SMYD3: variants seen among roughly 807,000 people sequenced by gnomAD.
SMYD3 encodes the protein histone-lysine N-methyltransferase SMYD3.
In SMYD3, 36 loss-of-function variants were observed where a neutral mutation model predicts 57.7. The ratio of observed to expected loss-of-function variants is 0.62; its 90% confidence interval spans 0.48 to 0.82. SMYD3 has a LOEUF of 0.82. Ranked by LOEUF, SMYD3 falls within the 40% of genes least tolerant of loss-of-function variation. The pLI is 0.00. For missense variants in SMYD3, 515 were observed against 538.8 expected, an observed-to-expected ratio of 0.96 and a Z score of 0.44; for synonymous variants, 211 against 195.0, an observed-to-expected ratio of 1.08 and a Z score of -0.68.
chr1:246,289,685 G>A (rs2064646928), intron 5 of SMYD3, among the ~76,000 whole-genome samples: 2 of 152,132 alleles, frequency 1.3e-5, no homozygotes, highest in Admixed American at 1.3e-4. Context: ...TGCAGTGCAT[G>A]GCACTTGGTA....
In SMYD3 at chr1:245,887,188, G is replaced by A. The variant is rs185922939; in HGVS notation, c.814-23302C>T. 4.7e-3 allele frequency among the ~76,000 whole-genome samples: 713 copies of A among 152,224 alleles called. 3 individuals are homozygous for A. The highest frequency in any genetic ancestry group is 0.015 in the African/African-American group (640 of 41,528). ...TGCTGATAAAACAGGTTGCAGTAAA[G>A]GAGCTGGCCAAATCCTACCAAAACC... On this transcript the variant is annotated intron_variant, in intron 8 of 11. Transcript: ENST00000490107.
At chr1:245,860,793 G>A (rs1450686258) in intron 9 of SMYD3, among the ~76,000 whole-genome samples, 2 of 152,226 alleles carry the variant, frequency 1.3e-5, no homozygotes, top group African/African-American at 2.4e-5. Flanking sequence ...GCTAACCTCC[G>A]TGGCTTTTCA....
chr1:246,504,085 A>G (rs1410602867), intron 1 of SMYD3, among the ~76,000 whole-genome samples: 4 of 152,184 alleles, frequency 2.6e-5, no homozygotes, highest in African/African-American at 7.2e-5. Flanking sequence ...TTCCTTAATG[A>G]GAGGAAAAAG....
chr1:245,864,048 G>A (rs1360629342), intron 8 of SMYD3, among the ~76,000 whole-genome samples, 162 bp from the exon 9 acceptor site: 1 of 152,202 alleles, frequency 6.6e-6, no homozygotes, highest in Non-Finnish European at 1.5e-5. Context: ...ACAGTGAGAT[G>A]TTACTTGATA....
At chr1:245,939,061 T>C (rs10924392) in intron 5 of SMYD3, among the ~76,000 whole-genome samples, 43,534 of 151,644 alleles carry the variant, frequency 0.29, 8,778 homozygotes, top group African/African-American at 0.56. Flanking sequence ...CAGAATCACC[T>C]GAACCTAGGA....
chr1:245,798,086 C>CT (rs1379436631), intron 10 of SMYD3, among the ~76,000 whole-genome samples: 1 of 138,156 alleles, frequency 7.2e-6, no homozygotes, highest in Non-Finnish European at 1.5e-5. Context: ...TAGAAACATT[C>CT]TTATTTTTTT....
At chr1:246,197,087 T>C (rs994114760) in intron 5 of SMYD3, among the ~76,000 whole-genome samples, 1 of 152,134 alleles carries the variant, frequency 6.6e-6, no homozygotes, top group Non-Finnish European at 1.5e-5. Context: ...TTAGAATATT[T>C]TGGGCAAGAA....
intron 5 of SMYD3, among the ~76,000 whole-genome samples, chr1:246,088,470 C>G (rs80112315): frequency 2.5e-5 from 3 of 119,546 alleles, no homozygotes; most frequent in East Asian, 3.0e-4. Context: ...ATTAGCCGGG[C>G]GTGGTGACAG....
chr1:245,770,680 A>G (rs1465910278), intron 10 of SMYD3, among the ~76,000 whole-genome samples: 2 of 152,252 alleles, frequency 1.3e-5, no homozygotes, highest in Non-Finnish European at 2.9e-5. Flanking sequence ...AGACAGTGAC[A>G]TAAGACCTAC....
intron 5 of SMYD3, among the ~76,000 whole-genome samples, chr1:246,070,515 G>C (rs1484284685): frequency 1.3e-5 from 2 of 152,110 alleles, no homozygotes; most frequent in South Asian, 2.1e-4. Context: ...AAAAGCTTCA[G>C]GGTACTACAA....
intron 5 of SMYD3, among the ~76,000 whole-genome samples, chr1:246,024,201 G>C (rs1209006079): frequency 6.6e-6 from 1 of 152,180 alleles, no homozygotes; most frequent in African/African-American, 2.4e-5. Flanking sequence ...CCAGGATACA[G>C]TCACAGATGT....
intron 5 of SMYD3, among the ~76,000 whole-genome samples, chr1:246,097,996 T>C (rs931778215): frequency 1.3e-5 from 2 of 152,222 alleles, no homozygotes; most frequent in African/African-American, 4.8e-5. Context: ...TGTCGTAGTG[T>C]TTTTGTTGCA....
At position 245,863,887 on chromosome 1, in the gene SMYD3, C is replaced by G; in HGVS notation, c.814-1G>C. The G allele has an allele frequency of 6.2e-7, 1 of 1,613,944 alleles. No homozygotes were observed. Among genetic ancestry groups the G allele is most frequent in the Non-Finnish European group, 8.5e-7 (1 of 1,179,828 alleles). On this transcript the variant is annotated splice_acceptor_variant, in intron 8 of 11. Transcript: ENST00000490107. LOFTEE classifies it high-confidence loss of function. ...CATCACCAGTTAGCATATCAGCATC[C>G]TGCTCAGGCCAGAAAAGGAAGACAA... is the stretch of plus-strand genomic sequence containing the variant.
Position 245,999,902 on chromosome 1 carries a change from G to T in SMYD3, c.532-69965C>A, listed in dbSNP as rs1165646499. On this transcript the variant is annotated intron_variant, in intron 5 of 11. Coordinates refer to ENST00000490107, the MANE Select transcript of SMYD3 (RefSeq NM_001167740.2). ...TACTTTGCTTACTTCTTCATTTAGC[G>T]AGTATGTAATGAGTACCTGCTAGGC... Among the ~76,000 whole-genome samples, 5 of 152,264 alleles carry T rather than the reference G, an allele frequency of 3.3e-5. No homozygotes were observed. The East Asian group carries it at 9.7e-4, about 29-fold the overall frequency.
At chr1:246,457,262 C>T (rs996820628) in intron 1 of SMYD3, among the ~76,000 whole-genome samples, 1 of 151,934 alleles carries the variant, frequency 6.6e-6, no homozygotes, top group African/African-American at 2.4e-5. Flanking sequence ...AATCTTCTCC[C>T]TCATCACTCC....
At chr1:246,370,830 A>G (rs2066181835) in intron 1 of SMYD3, among the ~76,000 whole-genome samples, 1 of 152,226 alleles carries the variant, frequency 6.6e-6, no homozygotes, top group South Asian at 2.1e-4. Context: ...TGAAACCCAC[A>G]TGTAGCCAGA....
intron 5 of SMYD3, among the ~76,000 whole-genome samples, chr1:246,271,276 T>G (rs986827868): frequency 9.2e-5 from 14 of 152,210 alleles, no homozygotes; most frequent in Non-Finnish European, 1.8e-4. Flanking sequence ...TACTGTCTTT[T>G]GATGCACCAA....
intron 5 of SMYD3, among the ~76,000 whole-genome samples, chr1:246,198,510 T>C (rs1021686688): frequency 2.6e-5 from 4 of 152,214 alleles, no homozygotes; most frequent in African/African-American, 2.4e-5. Flanking sequence ...CCGGGGTACA[T>C]AGTATGTTAT....
At chr1:246,082,571 G>C (rs886749103) in intron 5 of SMYD3, among the ~76,000 whole-genome samples, 1 of 152,106 alleles carries the variant, frequency 6.6e-6, no homozygotes, top group African/African-American at 2.4e-5. Flanking sequence ...CCCAGCTTCT[G>C]AGTTCTTGGT....
Sources: allele counts gnomAD v4.1 joint callset (sites outside exome capture counted in the v4.1 genomes callset), GRCh38; gene constraint gnomAD v4.1.1; transcripts MANE v1.5; gene names NCBI Gene and HGNC (gene_info 2026-07-23, HGNC 2026-07-21).